The following ITCH variants were observed in gnomAD, a reference collection of about 807,000 sequenced individuals.
The protein encoded by ITCH is itchy E3 ubiquitin protein ligase.
A neutral mutation model predicts 126.8 loss-of-function variants in ITCH; 28 were observed. The ratio of observed to expected loss-of-function variants is 0.22; its 90% CI spans 0.16 to 0.30. ITCH has a LOEUF of 0.30. ITCH is among the 10% of genes least tolerant of loss of function. The pLI is 1.00. For missense variants in ITCH, 631 were observed against 1,032.4 expected (o/e 0.61, Z 5.33); for synonymous variants, 342 against 340.0 (o/e 1.01, Z -0.06).
intron 6 of ITCH, chr20:34,417,185 C>T (rs1368322596): frequency 1.5e-6 from 1 of 684,004 alleles, no homozygotes. Flanking sequence ...CAACCTCTGC[C>T]TCCCGGGTTT....
At chr20:34,476,243 T>C in intron 16 of ITCH, 1 of 809,284 alleles carries the variant, frequency 1.2e-6, no homozygotes, top group Non-Finnish European at 2.2e-6. Context: ...GTTGTTAATG[T>C]TTCACCATCA....
At chr20:34,375,267 C>A (rs1169798585) in intron 2 of ITCH, among the ~76,000 whole-genome samples, 1 of 151,748 alleles carries the variant, frequency 6.6e-6, no homozygotes, top group African/African-American at 2.4e-5. Context: ...TCTGGAACTT[C>A]CGACCTCAGG....
At chr20:34,472,165 C>T (rs1987695720) in intron 16 of ITCH, among the ~76,000 whole-genome samples, 1 of 151,890 alleles carries the variant, frequency 6.6e-6, no homozygotes, top group African/African-American at 2.4e-5. Flanking sequence ...CACCTGAGGT[C>T]AGGAGTTTGA....
intron 23 of ITCH, among the ~76,000 whole-genome samples, chr20:34,502,762 T>TA (rs1990342697): frequency 6.6e-6 from 1 of 151,636 alleles, no homozygotes; most frequent in Admixed American, 6.6e-5. Context: ...CTCATGCCTG[T>TA]AATCCCAACA....
intron 1 of ITCH, among the ~76,000 whole-genome samples, chr20:34,366,262 T>A (rs1189248788): frequency 6.6e-6 from 1 of 152,070 alleles, no homozygotes; most frequent in Non-Finnish European, 1.5e-5. Context: ...TTTTTGTTGT[T>A]GAGACTGGGT....
At chr20:34,489,731 T>C (rs954257722) in intron 21 of ITCH, 91 bp from the exon 22 acceptor site, 2 of 873,804 alleles carry the variant, frequency 2.3e-6, no homozygotes, top group Non-Finnish European at 3.9e-6. Flanking sequence ...TGATTGTTAT[T>C]CTAAAGCTTT....
chr20:34,404,793 T>C (rs113568472), intron 3 of ITCH, among the ~76,000 whole-genome samples: 331 of 152,150 alleles, frequency 2.2e-3, no homozygotes, highest in African/African-American at 6.2e-3. Flanking sequence ...GACATTTACG[T>C]GCAGGCACAT....
At chr20:34,467,678 A>ATTTTTTT (rs147009659) in intron 14 of ITCH, among the ~76,000 whole-genome samples, 9 of 98,052 alleles carry the variant, frequency 9.2e-5, no homozygotes, top group Non-Finnish European at 1.4e-4. Context: ...TTTCTTTTTC[A>ATTTTTTT]TTTTTTTTTT....
At chr20:34,478,573 T>G (rs1020477714) in intron 17 of ITCH, among the ~76,000 whole-genome samples, 1 of 152,176 alleles carries the variant, frequency 6.6e-6, no homozygotes, top group Non-Finnish European at 1.5e-5. Context: ...CTCAATAGTG[T>G]GATGTTGGGC....
rs1986567662 is a variant in ITCH at position 34,461,997 on chromosome 20, G to C, written c.1296-96G>C. ...TACTGAACTGAATGGTTTTCTAAAA[G>C]ATTTCTGCTATGTTTATTGACATTT... On this transcript the variant is annotated intron_variant, in intron 13 of 24. Transcript: ENST00000374864. The C allele has an allele frequency of 8.8e-6, 11 of 1,246,454 alleles. No homozygotes were observed. In the South Asian group the frequency reaches 1.2e-4, roughly 14 times the overall value. The allele number at this position is 1,246,454 out of a possible 1,614,324, so 77.2% of individuals were successfully genotyped here. A position where few individuals can be genotyped will look rare whatever the true frequency, so the allele number is the denominator to read the frequency against.
At chr20:34,474,680 A>T (rs1367916424) in intron 16 of ITCH, among the ~76,000 whole-genome samples, 1 of 152,106 alleles carries the variant, frequency 6.6e-6, no homozygotes, top group Non-Finnish European at 1.5e-5. Context: ...GCTGTTGGGT[A>T]CACCTCCCAG....
intron 1 of ITCH, among the ~76,000 whole-genome samples, chr20:34,365,680 G>C (rs1434236005): frequency 6.6e-6 from 1 of 152,168 alleles, no homozygotes; most frequent in Non-Finnish European, 1.5e-5. Flanking sequence ...CTCCCAAAGT[G>C]CTGGGTTTAC....
chr20:34,467,781 G>A (rs1359583884), intron 14 of ITCH, among the ~76,000 whole-genome samples: 2 of 147,820 alleles, frequency 1.4e-5, no homozygotes, highest in Non-Finnish European at 1.5e-5. Flanking sequence ...GGCCTCCCTG[G>A]TTCAAGCAAT....
At chr20:34,367,543 G>A (rs2037465060) in intron 1 of ITCH, among the ~76,000 whole-genome samples, 1 of 152,186 alleles carries the variant, frequency 6.6e-6, no homozygotes, top group Non-Finnish European at 1.5e-5. Flanking sequence ...GCTCTAATTG[G>A]AAGCTGCCAG....
rs1408106266 is a variant in ITCH, at chr20:34,489,402, T to A, written c.2214+16T>A. On this transcript the variant is annotated intron_variant, in intron 21 of 24. Coordinates refer to ENST00000374864, the MANE Select transcript of ITCH (RefSeq NM_031483.7). ...GGAATTAGAGGTAATGAATTTTCCT[T>A]CATTCCCCTGTACCATGCTAGTAAA... The A allele has an allele frequency of 6.2e-7, 1 of 1,609,518 alleles. No individual in the cohort carries two copies. Among genetic ancestry groups the A allele is most frequent in the Non-Finnish European group, 8.5e-7 (1 of 1,177,306 alleles).
chr20:34,427,107 G>C (rs1981640305), intron 7 of ITCH, among the ~76,000 whole-genome samples: 1 of 152,128 alleles, frequency 6.6e-6, no homozygotes, highest in Admixed American at 6.6e-5. Flanking sequence ...AAAAGTTAAA[G>C]ACAACTCATC....
At chr20:34,380,855 G>A (rs571529105) in intron 2 of ITCH, among the ~76,000 whole-genome samples, 28 of 151,562 alleles carry the variant, frequency 1.8e-4, no homozygotes, top group African/African-American at 6.3e-4. Flanking sequence ...TGGCACAATC[G>A]TGGCTCACTG....
chr20:34,480,858 C>T, intron 19 of ITCH, 126 bp downstream of exon 19: 1 of 990,274 alleles, frequency 1.0e-6, no homozygotes. Context: ...TATATCAAAC[C>T]TGTCTTTTTA....
rs202127382 is a variant in ITCH at position 34,439,919 on chromosome 20, T to C, written c.680-236T>C. On this transcript the variant is annotated intron_variant, in intron 8 of 24. Transcript: ENST00000374864. The stretch of plus-strand genomic sequence containing the variant: ...ATCAGAAGATCAGAGAACCTGTACA[T>C]GCTTCGTGATTAGTAATGGGACATA... Among the ~76,000 whole-genome samples the C allele has an allele frequency of 9.8e-5, 15 of 152,342 alleles. No individual in the cohort carries two copies. The East Asian group carries it at 2.9e-3, about 29-fold the overall frequency.
Sources: gnomAD v4.1 joint callset for allele counts (sites outside exome capture counted in the v4.1 genomes callset) on GRCh38, gnomAD v4.1.1 for gene constraint, MANE v1.5 for transcripts, NCBI Gene and HGNC (gene_info 2026-07-23, HGNC 2026-07-21) for gene names.